PCDH15: variants seen among roughly 807,000 people sequenced by gnomAD.
The protein encoded by PCDH15 is protocadherin related 15.
Under a neutral mutation model 178.5 loss-of-function variants are expected in PCDH15, and 129 were observed. That is an observed-to-expected ratio of 0.72 (90% CI 0.63 to 0.84). The LOEUF is 0.84. Ranked by LOEUF, PCDH15 falls within the 40% of genes least tolerant of loss-of-function variation. The probability of loss-of-function intolerance (pLI) is 0.00; values close to 1 mark genes in which losing one functional copy is unlikely to be tolerated. For synonymous variants in PCDH15, 800 were observed against 732.0 expected (o/e 1.09, Z -1.50); for missense variants, 2,230 against 2,099.9 (o/e 1.06, Z -1.21).
intron 3 of PCDH15, among the ~76,000 whole-genome samples, chr10:54,513,329 C>T (rs570521344): frequency 5.3e-5 from 8 of 151,572 alleles, no homozygotes; most frequent in East Asian, 3.9e-4. Context: ...GGTGCAATCT[C>T]GGCTCACTGC....
chr10:55,592,709 G>T (rs1223702069), intron 2 of PCDH15, among the ~76,000 whole-genome samples: 3 of 152,174 alleles, frequency 2.0e-5, no homozygotes, highest in South Asian at 2.1e-4. Flanking sequence ...TCAAGAATTA[G>T]TTTAGGTGCT....
At chr10:53,970,357 A>G (rs2089544230) in intron 21 of PCDH15, among the ~76,000 whole-genome samples, 2 of 152,136 alleles carry the variant, frequency 1.3e-5, no homozygotes, top group South Asian at 2.1e-4. Context: ...CAGATTCATA[A>G]AGCAAGTCCT....
At chr10:54,361,182 G>C (rs1970519) in intron 5 of PCDH15, among the ~76,000 whole-genome samples, 113,838 of 151,924 alleles carry the variant, frequency 0.75, 43,898 homozygotes, top group African/African-American at 0.86. Context: ...AAAACCCACA[G>C]AGGTTTCACA....
At chr10:54,104,003 C>T (rs1304198004) in intron 15 of PCDH15, among the ~76,000 whole-genome samples, 1 of 152,120 alleles carries the variant, frequency 6.6e-6, no homozygotes. Context: ...CTGAACTTAC[C>T]TCTAGGGGCC....
chr10:55,075,834 T>G (rs1841874288), intron 2 of PCDH15, among the ~76,000 whole-genome samples: 1 of 152,152 alleles, frequency 6.6e-6, no homozygotes, highest in African/African-American at 2.4e-5. Context: ...GATTAGATTT[T>G]TATTTGAAGT....
At chr10:54,144,088 G>C (rs1447157957) in intron 14 of PCDH15, among the ~76,000 whole-genome samples, 1 of 151,882 alleles carries the variant, frequency 6.6e-6, no homozygotes, top group African/African-American at 2.4e-5. Context: ...GGAAGTTGGG[G>C]GGCTGAAGAG....
chr10:55,366,868 G>C (rs1845372438), intron 2 of PCDH15, among the ~76,000 whole-genome samples: 1 of 151,744 alleles, frequency 6.6e-6, no homozygotes, highest in Non-Finnish European at 1.5e-5. Context: ...TCTCAAAAGT[G>C]TTCAGTTATT....
chr10:55,192,049 A>G (rs566809706), intron 1 of PCDH15, among the ~76,000 whole-genome samples: 1 of 152,070 alleles, frequency 6.6e-6, no homozygotes, highest in Non-Finnish European at 1.5e-5. Context: ...CACTAAAATA[A>G]AGGGACTTTT....
At chr10:54,133,242 T>C (rs553697926) in intron 14 of PCDH15, among the ~76,000 whole-genome samples, 11 of 152,204 alleles carry the variant, frequency 7.2e-5, no homozygotes, top group Non-Finnish European at 1.5e-4. Flanking sequence ...CTTAGATTAA[T>C]AGTATGAATT....
intron 2 of PCDH15, among the ~76,000 whole-genome samples, chr10:55,065,277 G>A (rs1841534018): frequency 6.6e-6 from 1 of 151,908 alleles, no homozygotes; most frequent in Non-Finnish European, 1.5e-5. Context: ...CTAGCACAAT[G>A]TCCTAATCTG....
chr10:53,999,553 T>G (rs2092022666), intron 20 of PCDH15, among the ~76,000 whole-genome samples: 1 of 152,186 alleles, frequency 6.6e-6, no homozygotes. Context: ...CAAGCTGATT[T>G]AAGAGGCCAT....
intron 18 of PCDH15, among the ~76,000 whole-genome samples, chr10:54,054,496 G>A (rs904967528): frequency 1.3e-5 from 2 of 152,088 alleles, no homozygotes; most frequent in Admixed American, 6.5e-5. Flanking sequence ...GTGGTCATTT[G>A]TGACCATAAA....
chr10:55,271,574 T>C (rs917114091), intron 1 of PCDH15, among the ~76,000 whole-genome samples: 9 of 152,224 alleles, frequency 5.9e-5, no homozygotes, highest in South Asian at 2.1e-4. Context: ...CACAATTTAT[T>C]GTTTGTAGCT....
rs139566518 is a variant in PCDH15 at position 54,996,633 on chromosome 10, G to C, written c.-79-99133C>G. ...ATCTGATCTTTGAAGGTCTTTAAAT[G>C]GTACTGTTGTCTTACAATTGGATTC... On this transcript the variant is annotated intron_variant, in intron 2 of 5. Transcript: ENST00000458638. 3.2e-3 allele frequency among the ~76,000 whole-genome samples: 493 copies of C among 152,220 alleles called. 3 individuals are homozygous for C. Among genetic ancestry groups the C allele is most frequent in the African/African-American group, 0.012 (481 of 41,526 alleles).
At chr10:54,868,083 T>C (rs1953970082) in intron 3 of PCDH15, among the ~76,000 whole-genome samples, 4 of 152,304 alleles carry the variant, frequency 2.6e-5, no homozygotes, top group African/African-American at 9.6e-5. Context: ...TGTAAGTATA[T>C]ACAAATTTTA....
At chr10:54,097,237 C>G (rs1302139142) in intron 15 of PCDH15, among the ~76,000 whole-genome samples, 1 of 152,302 alleles carries the variant, frequency 6.6e-6, no homozygotes, top group Admixed American at 6.5e-5. Flanking sequence ...TAATTTCGTG[C>G]AGAGTAATTA....
exon 2 of PCDH15, chr10:55,627,631 G>A (rs1837559584): frequency 6.6e-6 from 1 of 152,142 alleles, no homozygotes; most frequent in African/African-American, 2.4e-5. Context: ...CTACCTCCAG[G>A]CTCCAGTAAG....
chr10:53,864,914 T>C (rs1208274503), intron 27 of PCDH15, among the ~76,000 whole-genome samples: 1 of 152,164 alleles, frequency 6.6e-6, no homozygotes, highest in Non-Finnish European at 1.5e-5. Flanking sequence ...ACCAACGACA[T>C]GGACAATTCA....
chr10:54,509,463 T>C (rs887739849), intron 3 of PCDH15, among the ~76,000 whole-genome samples: 2 of 152,146 alleles, frequency 1.3e-5, no homozygotes, highest in African/African-American at 4.8e-5. Context: ...ATTAAACCTC[T>C]TTTTCTGAAT....
Sources: allele counts gnomAD v4.1 joint callset (sites outside exome capture counted in the v4.1 genomes callset), GRCh38; gene constraint gnomAD v4.1.1; transcripts MANE v1.5; gene names NCBI Gene and HGNC (gene_info 2026-07-23, HGNC 2026-07-21).